Variants in ULK4 observed in about 807,000 individuals in gnomAD.
ULK4 encodes the protein inactive serine/threonine-protein kinase ULK4.
Under a neutral mutation model 160.6 loss-of-function variants are expected in ULK4, and 133 were observed. The ratio of observed to expected loss-of-function variants is 0.83; its 90% confidence interval spans 0.72 to 0.96. The LOEUF (loss-of-function observed/expected upper bound fraction) is 0.96, where lower values mean the gene tolerates loss of function less well. Ranked by LOEUF, ULK4 falls within the 40% of genes least tolerant of loss-of-function variation. The probability of loss-of-function intolerance (pLI) is 0.00; values close to 1 mark genes in which losing one functional copy is unlikely to be tolerated. For synonymous variants in ULK4, 534 were observed against 539.8 expected, an observed-to-expected ratio of 0.99 and a Z score of 0.15; for missense variants, 1,580 against 1,499.5, an observed-to-expected ratio of 1.05 and a Z score of -0.89.
chr3:41,851,094 C>G (rs2042202059), intron 17 of ULK4, among the ~76,000 whole-genome samples: 1 of 152,144 alleles, frequency 6.6e-6, no homozygotes, highest in Non-Finnish European at 1.5e-5. Context: ...ATTGCCCTTG[C>G]CAGAATTTCC....
At chr3:41,399,069 ACT>A (rs2082125080) in intron 34 of ULK4, among the ~76,000 whole-genome samples, 1 of 152,082 alleles carries the variant, frequency 6.6e-6, no homozygotes, top group South Asian at 2.1e-4. Context: ...CTTCATAGTA[ACT>A]CTATATTTAA....
intron 30 of ULK4, among the ~76,000 whole-genome samples, chr3:41,633,784 G>A (rs1184683461): frequency 2.6e-5 from 4 of 152,064 alleles, no homozygotes; most frequent in African/African-American, 7.2e-5. Flanking sequence ...CATGAGGGGA[G>A]AGAAGAGATC....
chr3:41,458,032 G>A (rs1221493014), intron 33 of ULK4, among the ~76,000 whole-genome samples: 2 of 152,238 alleles, frequency 1.3e-5, no homozygotes, highest in Non-Finnish European at 2.9e-5. Context: ...TTTTAAGAAC[G>A]CCTCCAGGTT....
chr3:41,866,632 A>G (rs78531852), intron 17 of ULK4, among the ~76,000 whole-genome samples: 3,646 of 152,244 alleles, frequency 0.024, 69 homozygotes, highest in Non-Finnish European at 0.038. Context: ...CAGGCCATAA[A>G]CCAGTCCTGG....
intron 18 of ULK4, among the ~76,000 whole-genome samples, chr3:41,830,456 T>C (rs1346432445): frequency 6.6e-6 from 1 of 152,024 alleles, no homozygotes; most frequent in Non-Finnish European, 1.5e-5. Flanking sequence ...CAGTAGGGGA[T>C]TAAAAAGGGT....
Position 41,912,785 on chromosome 3 carries a change from C to G in ULK4, c.896+22G>C, listed in dbSNP as rs1698833722. On this transcript the variant is annotated intron_variant, in intron 9 of 36. Coordinates refer to ENST00000301831, the MANE Select transcript of ULK4 (RefSeq NM_017886.4). The stretch of plus-strand genomic sequence containing the variant: ...AAGTGTCCAGTAACTATGTCCCATA[C>G]ACAAAGGTAAGTGTATACTACCTGA... 3 of 1,606,550 alleles carry G rather than the reference C, an allele frequency of 1.9e-6. No individual in the cohort carries two copies. The Admixed American group carries it at 5.0e-5, about 27-fold the overall frequency.
At chr3:41,599,000 C>T (rs961961900) in intron 31 of ULK4, among the ~76,000 whole-genome samples, 1 of 152,208 alleles carries the variant, frequency 6.6e-6, no homozygotes, top group African/African-American at 2.4e-5. Context: ...CTAGAGGCAG[C>T]CTGCATTCCT....
At chr3:41,402,366 T>C (rs1038935654) in intron 34 of ULK4, among the ~76,000 whole-genome samples, 3 of 152,192 alleles carry the variant, frequency 2.0e-5, no homozygotes, top group African/African-American at 7.2e-5. Flanking sequence ...TACCCTACAC[T>C]ACACTAGTTA....
chr3:41,328,607 T>C (rs529488195), intron 35 of ULK4, among the ~76,000 whole-genome samples: 1 of 152,276 alleles, frequency 6.6e-6, no homozygotes, highest in South Asian at 2.1e-4. Flanking sequence ...CAGTGAGAAA[T>C]TGCAGGCTTC....
At chr3:41,533,346 C>T (rs1242080171) in intron 32 of ULK4, among the ~76,000 whole-genome samples, 1 of 152,190 alleles carries the variant, frequency 6.6e-6, no homozygotes, top group African/African-American at 2.4e-5. Context: ...CTTAGATTTT[C>T]CCTTTTTCCT....
chr3:41,545,472 A>G (rs2086828663), intron 32 of ULK4, among the ~76,000 whole-genome samples: 1 of 152,138 alleles, frequency 6.6e-6, no homozygotes, highest in South Asian at 2.1e-4. Flanking sequence ...TCTGGCCTCC[A>G]TTATTTCTGA....
At chr3:41,694,392 T>C (rs1446381959) in intron 27 of ULK4, among the ~76,000 whole-genome samples, 1 of 152,028 alleles carries the variant, frequency 6.6e-6, no homozygotes, top group African/African-American at 2.4e-5. Flanking sequence ...TATAGAAAGC[T>C]ATGGACCCCA....
Position 41,305,878 on chromosome 3 carries a change from T to G in ULK4, c.3679-56304A>C, listed in dbSNP as rs1252399404. On this transcript the variant is annotated intron_variant, in intron 35 of 36. Transcript: ENST00000301831. Reference sequence around the variant, plus strand: ...GGAGCGCCTCTGCCCCCCCGCCCCGTCTGGGATGTGAGGAGCACCTCTGCC... The same window carrying G: ...GGAGCGCCTCTGCCCCCCCGCCCCGGCTGGGATGTGAGGAGCACCTCTGCC... 1.2e-3 allele frequency among the ~76,000 whole-genome samples: 166 copies of G among 136,264 alleles called. 2 individuals are homozygous for G. The highest frequency in any genetic ancestry group is 4.3e-3 in the African/African-American group (150 of 34,628). The allele number at this position is 136,264 out of a possible 152,430, so 89.4% of individuals were successfully genotyped here.
chr3:41,762,405 A>T (rs1378905738), intron 21 of ULK4, among the ~76,000 whole-genome samples: 1 of 152,174 alleles, frequency 6.6e-6, no homozygotes, highest in Non-Finnish European at 1.5e-5. Flanking sequence ...AGTTTAAAAA[A>T]TAAGAAAAAA....
intron 31 of ULK4, among the ~76,000 whole-genome samples, chr3:41,587,518 T>C (rs1231853815): frequency 1.3e-5 from 2 of 152,166 alleles, no homozygotes; most frequent in South Asian, 2.1e-4. Flanking sequence ...TCCATGTAGA[T>C]ATATAGCTTT....
intron 35 of ULK4, among the ~76,000 whole-genome samples, chr3:41,368,760 TA>T (rs1437154987): frequency 2.0e-5 from 3 of 152,260 alleles, no homozygotes; most frequent in African/African-American, 7.2e-5. Context: ...TTTTATGGTA[TA>T]CCACATTTTA....
chr3:41,886,574 A>ATT (rs1280152000), intron 16 of ULK4, among the ~76,000 whole-genome samples: 338 of 145,320 alleles, frequency 2.3e-3, no homozygotes, highest in African/African-American at 7.8e-3. Context: ...TAAAATGTGA[A>ATT]TTTTTTTTTT....
chr3:41,315,299 C>T (rs953952497), intron 35 of ULK4, among the ~76,000 whole-genome samples: 1 of 152,092 alleles, frequency 6.6e-6, no homozygotes, highest in Non-Finnish European at 1.5e-5. Flanking sequence ...CAGCTGTTTT[C>T]CTTGAAGTCA....
chr3:41,289,452 C>T (rs2079518221), intron 35 of ULK4, among the ~76,000 whole-genome samples: 1 of 152,202 alleles, frequency 6.6e-6, no homozygotes, highest in African/African-American at 2.4e-5. Flanking sequence ...ACGCAGTTCT[C>T]TCAGAAATAG....
Sources: allele counts gnomAD v4.1 joint callset (sites outside exome capture counted in the v4.1 genomes callset), GRCh38; gene constraint gnomAD v4.1.1; transcripts MANE v1.5; gene names NCBI Gene and HGNC (gene_info 2026-07-23, HGNC 2026-07-21).